Variants in IPO9 observed in about 807,000 individuals in gnomAD.
IPO9 encodes importin 9, also known as importin-9.
In IPO9, 28 loss-of-function variants were observed where a neutral mutation model predicts 128.6. The observed-to-expected ratio is 0.22, with a 90% CI of 0.16 to 0.30. IPO9 has a LOEUF of 0.30. IPO9 is among the 10% of genes least tolerant of loss of function. The pLI, the probability that IPO9 is intolerant of heterozygous loss-of-function variation, is 1.00. For synonymous variants in IPO9, 455 were observed against 475.8 expected, an observed-to-expected ratio of 0.96 and a Z score of 0.57; for missense variants, 935 against 1,293.9, an observed-to-expected ratio of 0.72 and a Z score of 4.26.
At chr1:201,847,671 A>G in intron 3 of IPO9, 33 bp downstream of exon 3, 1 of 1,420,344 alleles carries the variant, frequency 7.0e-7, no homozygotes, top group Admixed American at 1.7e-5. Context: ...CTACCTGAGG[A>G]GATTTGAGGG....
At chr1:201,855,553 A>T (rs1680315243) in intron 9 of IPO9, among the ~76,000 whole-genome samples, 2 of 152,232 alleles carry the variant, frequency 1.3e-5, no homozygotes, top group African/African-American at 4.8e-5. Flanking sequence ...CATACTGGAA[A>T]ATATATCCAG....
Position 201,877,213 on chromosome 1 carries a change from G to C in IPO9, c.*1159G>C, listed in dbSNP as rs1306975637. ...AGTAAATGAGGATTAGAAAATCATG[G>C]AGAGAGGCTGGGCGCGGTGGCTAAC... On this transcript the variant is annotated 3_prime_UTR_variant, in exon 24 of 24. Transcript: ENST00000361565. 1 of 152,160 alleles carries C rather than the reference G, an allele frequency of 6.6e-6. No homozygotes were observed. Among genetic ancestry groups the C allele is most frequent in the Non-Finnish European group, 1.5e-5 (1 of 68,024 alleles). The allele number at this position is 152,160 out of a possible 1,614,324, so 9.4% of individuals were successfully genotyped here. A position where few individuals can be genotyped will look rare whatever the true frequency, so the allele number is the denominator to read the frequency against.
At chr1:201,866,675 T>G (rs971030910) in intron 14 of IPO9, 58 bp from the exon 15 acceptor site, 1 of 1,318,306 alleles carries the variant, frequency 7.6e-7, no homozygotes, top group Admixed American at 1.7e-5. Flanking sequence ...TGAGATTGAT[T>G]GGGAAAACCA....
chr1:201,852,806 A>C (rs1214311686), intron 5 of IPO9, among the ~76,000 whole-genome samples: 1 of 152,218 alleles, frequency 6.6e-6, no homozygotes, highest in African/African-American at 2.4e-5. Flanking sequence ...AGTAAGTTCC[A>C]ACATTATGAT....
Position 201,872,870 on chromosome 1 carries a change from A to G in IPO9, c.2619A>G (p.Ala873=). The G allele has an allele frequency of 6.2e-7, 1 of 1,614,080 alleles. No homozygotes were observed. Among genetic ancestry groups the G allele is most frequent in the South Asian group, 1.1e-5 (1 of 91,062 alleles). The change falls in exon 20 of 24, where the codon GCA becomes GCG. Residue 873 remains alanine, a synonymous_variant. Transcript: ENST00000361565. ...LCKLLQHGIN[A]DDKRLQDIRV... ...AGCTGCTCCAGCATGGCATCAATGC[A>G]GATGACAAACGGCTACAGGATATCC...
chr1:201,830,251 A>G (rs1251940167), intron 1 of IPO9, among the ~76,000 whole-genome samples: 2 of 152,206 alleles, frequency 1.3e-5, no homozygotes, highest in Non-Finnish European at 2.9e-5. Context: ...TGGAACTCCA[A>G]ATCCTCAGAA....
At position 201,876,362 on chromosome 1, in the gene IPO9, T is replaced by C; in HGVS notation, c.*308T>C. On this transcript the variant is annotated 3_prime_UTR_variant, in exon 24 of 24. Coordinates refer to ENST00000361565, the MANE Select transcript of IPO9 (RefSeq NM_018085.5). ...CTGCTGGCGAGTCCAGAAACATTAT[T>C]GCCCAGAAGGATTATGTGTTTATGG... 2.1e-6 allele frequency: 1 copy of C among 475,594 alleles called. No homozygotes were observed. The allele number at this position is 475,594 out of a possible 1,614,324, so 29.5% of individuals were successfully genotyped here.
chr1:201,873,739 CTCTG>C (rs895356032), intron 20 of IPO9, among the ~76,000 whole-genome samples: 2 of 152,158 alleles, frequency 1.3e-5, no homozygotes, highest in East Asian at 1.9e-4. Flanking sequence ...AAGAGCAAAA[CTCTG>C]TCTGAAGAAA....
At chr1:201,869,936 C>G (rs972783164) in intron 17 of IPO9, among the ~76,000 whole-genome samples, 1 of 152,220 alleles carries the variant, frequency 6.6e-6, no homozygotes, top group Non-Finnish European at 1.5e-5. Context: ...ACCAAGCACC[C>G]TGCCCATCTG....
rs1458933644 is a variant in IPO9 at position 201,876,310 on chromosome 1, TA to T, written c.*257del. 1 of 588,626 alleles carries T rather than the reference TA, an allele frequency of 1.7e-6. No individual in the cohort carries two copies. The highest frequency in any genetic ancestry group is 1.8e-5 in the African/African-American group (1 of 54,434). The allele number at this position is 588,626 out of a possible 1,614,324, so 36.5% of individuals were successfully genotyped here. A position where few individuals can be genotyped will look rare whatever the true frequency, so the allele number is the denominator to read the frequency against. On this transcript the variant is annotated 3_prime_UTR_variant, in exon 24 of 24. Coordinates refer to ENST00000361565, the MANE Select transcript of IPO9 (RefSeq NM_018085.5). ...CTAGAACCTTTTTTCTCCCCGACTC[TA>T]CCCCCACCTCTGTTCCTAGAGCCCT...
intron 23 of IPO9, among the ~76,000 whole-genome samples, chr1:201,875,472 C>G (rs1571558793): frequency 6.6e-6 from 1 of 152,052 alleles, no homozygotes; most frequent in African/African-American, 2.4e-5. Flanking sequence ...CCCCCGTGGT[C>G]CCAGCTACTC....
chr1:201,856,228 C>T (rs1680327143), intron 10 of IPO9, among the ~76,000 whole-genome samples: 1 of 150,558 alleles, frequency 6.6e-6, no homozygotes, highest in Non-Finnish European at 1.5e-5. Context: ...ACCTTGGCCT[C>T]TCAAAGTGCT....
At chr1:201,872,346 G>A (rs1239242543) in intron 19 of IPO9, among the ~76,000 whole-genome samples, 1 of 152,142 alleles carries the variant, frequency 6.6e-6, no homozygotes, top group Non-Finnish European at 1.5e-5. Flanking sequence ...TGTTCAAGAA[G>A]AACAGGTCAC....
At chr1:201,871,442 A>G in intron 19 of IPO9, 115 bp downstream of exon 19, 1 of 783,998 alleles carries the variant, frequency 1.3e-6, no homozygotes, top group East Asian at 3.3e-5. Flanking sequence ...GCTGGAGTGC[A>G]GTGGCACAAT....
chr1:201,854,769 A>G, intron 7 of IPO9, 54 bp from the exon 8 acceptor site: 2 of 1,607,602 alleles, frequency 1.2e-6, no homozygotes, highest in Non-Finnish European at 1.7e-6. Flanking sequence ...GTCTGAAATC[A>G]TTTATTTCTT....
At chr1:201,852,502 C>T (rs1055202394) in intron 5 of IPO9, among the ~76,000 whole-genome samples, 2 of 152,204 alleles carry the variant, frequency 1.3e-5, no homozygotes, top group Admixed American at 1.3e-4. Flanking sequence ...ATCCCACCTA[C>T]GCTTGCCTAC....
At chr1:201,871,057 C>A in intron 18 of IPO9, 104 bp from the exon 19 acceptor site, 1 of 1,286,354 alleles carries the variant, frequency 7.8e-7, no homozygotes, top group Non-Finnish European at 1.1e-6. Flanking sequence ...GTGGATAATA[C>A]CCTCAGTGTA....
intron 1 of IPO9, 79 bp from the exon 2 acceptor site, chr1:201,847,200 T>C (rs921650492): frequency 3.1e-6 from 3 of 967,868 alleles, no homozygotes; most frequent in African/African-American, 3.3e-5. Flanking sequence ...TGGAATCTTG[T>C]TGGCATCAGG....
chr1:201,859,326 G>A (rs1047783997), intron 13 of IPO9, among the ~76,000 whole-genome samples: 8 of 151,424 alleles, frequency 5.3e-5, no homozygotes, highest in Non-Finnish European at 1.0e-4. Flanking sequence ...GAACTCATCC[G>A]AACCTCTAAA....
Sources: gnomAD v4.1 joint callset for allele counts (sites outside exome capture counted in the v4.1 genomes callset) on GRCh38, gnomAD v4.1.1 for gene constraint, MANE v1.5 for transcripts, NCBI Gene and HGNC (gene_info 2026-07-23, HGNC 2026-07-21) for gene names.